CEP112: variants seen among roughly 807,000 people sequenced by gnomAD.
CEP112 encodes the protein centrosomal protein of 112 kDa.
In CEP112, 127 loss-of-function variants were observed where a neutral mutation model predicts 153.0. The observed-to-expected ratio is 0.83, with a 90% CI of 0.72 to 0.96. The LOEUF is 0.96. Among genes scored for constraint, CEP112 ranks in the 40% least tolerant of loss-of-function variants. CEP112 has a pLI of 0.00. For synonymous variants in CEP112, 358 were observed against 374.4 expected (o/e 0.96, Z 0.51); for missense variants, 1,089 against 1,101.2 (o/e 0.99, Z 0.16).
At chr17:65,819,221 C>T (rs1427239440) in intron 21 of CEP112, among the ~76,000 whole-genome samples, 2 of 151,810 alleles carry the variant, frequency 1.3e-5, no homozygotes, top group African/African-American at 4.8e-5. Context: ...TGAACACTAC[C>T]ACTAGCCTCA....
At chr17:66,010,640 C>T (rs1337201417) in intron 16 of CEP112, among the ~76,000 whole-genome samples, 1 of 152,016 alleles carries the variant, frequency 6.6e-6, no homozygotes, top group Non-Finnish European at 1.5e-5. Flanking sequence ...CCTTTAATGC[C>T]TAGTTTGTTG....
At chr17:65,882,895 G>A (rs981854551) in intron 20 of CEP112, among the ~76,000 whole-genome samples, 43 of 152,262 alleles carry the variant, frequency 2.8e-4, no homozygotes, top group African/African-American at 1.0e-3. Flanking sequence ...CTCCTTCCCT[G>A]TGACCCTACT....
At chr17:65,891,068 T>A (rs1052458706) in intron 20 of CEP112, among the ~76,000 whole-genome samples, 4 of 152,180 alleles carry the variant, frequency 2.6e-5, no homozygotes, top group African/African-American at 9.7e-5. Context: ...TCCTTTTTTA[T>A]ATACGTAGGT....
At position 66,180,171 on chromosome 17, in the gene CEP112, GT is replaced by G. The variant is rs1209874050; in HGVS notation, c.106+3022del. On this transcript the variant is annotated intron_variant, in intron 2 of 26. Coordinates refer to ENST00000535342, the MANE Select transcript of CEP112 (RefSeq NM_001199165.4). The stretch of plus-strand genomic sequence containing the variant: ...TCTTTCTTTGATGTATCTTTGTCTG[GT>G]TTTGGTATCAGGGTAATACTGGCCT... Among the ~76,000 whole-genome samples the G allele has an allele frequency of 4.6e-5, 7 of 152,118 alleles. No homozygotes were observed. The East Asian group carries it at 1.2e-3, about 25-fold the overall frequency.
At chr17:66,057,374 A>G (rs1442999388) in intron 11 of CEP112, among the ~76,000 whole-genome samples, 1 of 152,194 alleles carries the variant, frequency 6.6e-6, no homozygotes, top group Non-Finnish European at 1.5e-5. Context: ...AGAATACCCT[A>G]CTGGGTAGGT....
chr17:66,180,869 C>T (rs531186393), intron 2 of CEP112, among the ~76,000 whole-genome samples: 1 of 151,984 alleles, frequency 6.6e-6, no homozygotes, highest in Admixed American at 6.6e-5. Context: ...ACACTAAGAC[C>T]GGATTTACTA....
At chr17:65,906,389 C>A (rs1260043807) in intron 19 of CEP112, among the ~76,000 whole-genome samples, 1 of 151,952 alleles carries the variant, frequency 6.6e-6, no homozygotes, top group African/African-American at 2.4e-5. Context: ...GCAGGTTCTG[C>A]ACATGGATCC....
chr17:66,075,262 T>C (rs894795932), intron 8 of CEP112, among the ~76,000 whole-genome samples: 4 of 152,152 alleles, frequency 2.6e-5, no homozygotes, highest in African/African-American at 9.7e-5. Context: ...CAAGTGATTG[T>C]AGGGTTAAAT....
chr17:65,745,152 T>G (rs1483233696), intron 22 of CEP112, among the ~76,000 whole-genome samples: 5 of 152,214 alleles, frequency 3.3e-5, no homozygotes, highest in African/African-American at 1.2e-4. Context: ...CTTTGAGAAG[T>G]GAGCAAATTC....
chr17:65,856,274 G>C lies in CEP112; in HGVS notation c.2164-4240C>G, dbSNP rs1180315348. Reference sequence around the variant, plus strand: ...TTGAAGAACTCCCTGGGAGGCAGCAGAGAAAGATAATAATACAGAAAATGT... The same window carrying C: ...TTGAAGAACTCCCTGGGAGGCAGCACAGAAAGATAATAATACAGAAAATGT... On this transcript the variant is annotated intron_variant, in intron 20 of 26. Transcript: ENST00000535342. Among the ~76,000 whole-genome samples the C allele has an allele frequency of 3.3e-5, 5 of 152,138 alleles. No individual in the cohort carries two copies. The East Asian group carries it at 9.6e-4, about 29-fold the overall frequency.
At chr17:66,088,564 C>T (rs1489739831) in intron 8 of CEP112, among the ~76,000 whole-genome samples, 1 of 152,158 alleles carries the variant, frequency 6.6e-6, no homozygotes, top group East Asian at 1.9e-4. Context: ...ACGCAGGATT[C>T]AGAGCCAGGT....
intron 20 of CEP112, among the ~76,000 whole-genome samples, chr17:65,877,566 T>C (rs2058880097): frequency 6.6e-6 from 1 of 152,182 alleles, no homozygotes; most frequent in African/African-American, 2.4e-5. Flanking sequence ...CCATAAATGG[T>C]CTCAGGGACT....
At chr17:65,840,527 G>A (rs978502891) in intron 21 of CEP112, among the ~76,000 whole-genome samples, 4 of 152,022 alleles carry the variant, frequency 2.6e-5, no homozygotes, top group Non-Finnish European at 4.4e-5. Context: ...AGACTTAAAT[G>A]TAAGACCTGA....
At chr17:66,169,282 CTTT>C (rs538896272) in intron 4 of CEP112, among the ~76,000 whole-genome samples, 4 of 120,966 alleles carry the variant, frequency 3.3e-5, no homozygotes, top group Non-Finnish European at 3.3e-5. Flanking sequence ...TTAATTTCTT[CTTT>C]TTTTTTTTTT....
At chr17:65,842,283 T>C (rs2057547595) in intron 21 of CEP112, among the ~76,000 whole-genome samples, 1 of 152,128 alleles carries the variant, frequency 6.6e-6, no homozygotes, top group African/African-American at 2.4e-5. Flanking sequence ...CTAGGTTTTA[T>C]TTTCAAATAA....
At chr17:65,968,541 T>C (rs2062499336) in intron 17 of CEP112, among the ~76,000 whole-genome samples, 1 of 152,224 alleles carries the variant, frequency 6.6e-6, no homozygotes, top group Non-Finnish European at 1.5e-5. Context: ...TAGAGAATTG[T>C]ATTGCTACAA....
At chr17:66,079,554 T>C (rs1209187841) in intron 8 of CEP112, among the ~76,000 whole-genome samples, 1 of 152,174 alleles carries the variant, frequency 6.6e-6, no homozygotes, top group Non-Finnish European at 1.5e-5. Flanking sequence ...ATAGGAAGAA[T>C]GAATATTGTG....
chr17:66,150,401 C>A (rs1022298077), intron 4 of CEP112, among the ~76,000 whole-genome samples: 2 of 151,854 alleles, frequency 1.3e-5, no homozygotes, highest in Non-Finnish European at 2.9e-5. Context: ...AAATACAGTA[C>A]AATACCCCTA....
intron 24 of CEP112, among the ~76,000 whole-genome samples, chr17:65,675,414 C>T (rs1314354587): frequency 6.6e-6 from 1 of 152,038 alleles, no homozygotes. Context: ...CCATATTGGC[C>T]AGGCTGGTCT....
Sources: allele counts gnomAD v4.1 joint callset (sites outside exome capture counted in the v4.1 genomes callset), GRCh38; gene constraint gnomAD v4.1.1; transcripts MANE v1.5; gene names NCBI Gene and HGNC (gene_info 2026-07-23, HGNC 2026-07-21).